LRRC34: variants seen among roughly 807,000 people sequenced by gnomAD.
LRRC34 encodes the protein leucine rich repeat containing 34, also known as leucine-rich repeat-containing protein 34.
A neutral mutation model predicts 48.5 loss-of-function variants in LRRC34; 44 were observed. The observed-to-expected ratio is 0.91, with a 90% CI of 0.71 to 1.17. The LOEUF (loss-of-function observed/expected upper bound fraction) is 1.17, where lower values mean the gene tolerates loss of function less well. Ranked by LOEUF, LRRC34 falls within the 50% of genes most tolerant of loss-of-function variation. LRRC34 has a pLI of 0.00. For synonymous variants in LRRC34, 192 were observed against 197.6 expected, an observed-to-expected ratio of 0.97 and a Z score of 0.24; for missense variants, 502 against 563.0, an observed-to-expected ratio of 0.89 and a Z score of 1.10.
chr3:169,800,929 T>C (rs1779167049), intron 6 of LRRC34, among the ~76,000 whole-genome samples, 175 bp from the exon 7 acceptor site: 1 of 152,228 alleles, frequency 6.6e-6, no homozygotes, highest in Non-Finnish European at 1.5e-5. Context: ...ACTGTATTCT[T>C]CTCTCCTGGC....
chr3:169,795,343 GTTAATT>G, intron 10 of LRRC34, 136 bp downstream of exon 10: 1 of 806,232 alleles, frequency 1.2e-6, no homozygotes, highest in Non-Finnish European at 1.8e-6. Context: ...CTCTCTAGTA[GTTAATT>G]TTAAGACTTA....
chr3:169,803,811 T>A (rs895872548), intron 6 of LRRC34, among the ~76,000 whole-genome samples: 1 of 152,272 alleles, frequency 6.6e-6, no homozygotes, highest in African/African-American at 2.4e-5. Context: ...TTTCTAAAAA[T>A]TCCATACAGT....
At chr3:169,804,628 A>G (rs776344435) in intron 5 of LRRC34, among the ~76,000 whole-genome samples, 1 of 152,232 alleles carries the variant, frequency 6.6e-6, no homozygotes, top group Non-Finnish European at 1.5e-5. Flanking sequence ...GTAACATTCA[A>G]TCTACCATAA....
At chr3:169,800,083 A>G (rs1779137887) in intron 7 of LRRC34, among the ~76,000 whole-genome samples, 1 of 152,206 alleles carries the variant, frequency 6.6e-6, no homozygotes, top group South Asian at 2.1e-4. Context: ...AGTTAGATAT[A>G]TGTTTTTGTT....
intron 2 of LRRC34, 190 bp from the exon 3 acceptor site, chr3:169,807,899 C>G (rs1029444139): frequency 1.6e-6 from 1 of 638,136 alleles, no homozygotes; most frequent in Non-Finnish European, 2.5e-6. Context: ...GAACATTCTG[C>G]AGACTGCAAA....
At position 169,806,883 on chromosome 3, in the gene LRRC34, G is replaced by T. The variant is rs780145082; in HGVS notation, c.493C>A (p.Pro165Thr). The part of the protein sequence containing the change: ...YLNLMFNDIG[P>T]EGGELIAKVL... ...TTAGCAATCAATTCTCCACCTTCGG[G>T]CCCAATATCATTAAACATGAGGTTT... Residue 165 changes from proline (P) to threonine (T), a missense_variant, in exon 5 of 11, where the codon CCC becomes ACC. Physicochemically the swap from Pro to Thr is conservative, Grantham distance 38. Transcript: ENST00000446859. 3.1e-5 allele frequency: 50 copies of T among 1,607,264 alleles called. No homozygotes were observed. The highest frequency in any genetic ancestry group is 4.1e-5 in the Non-Finnish European group (48 of 1,174,802).
intron 5 of LRRC34, among the ~76,000 whole-genome samples, chr3:169,804,620 A>G (rs1779312033): frequency 6.6e-6 from 1 of 152,214 alleles, no homozygotes; most frequent in African/African-American, 2.4e-5. Flanking sequence ...CCTTAAAGGT[A>G]ACATTCAATC....
chr3:169,807,812 A>T, intron 2 of LRRC34, 103 bp from the exon 3 acceptor site: 1 of 1,279,486 alleles, frequency 7.8e-7, no homozygotes, highest in Non-Finnish European at 1.0e-6. Flanking sequence ...GTCATATCAC[A>T]GATATCATTT....
intron 5 of LRRC34, among the ~76,000 whole-genome samples, chr3:169,806,409 T>C (rs1431701280): frequency 6.6e-6 from 1 of 152,196 alleles, no homozygotes; most frequent in African/African-American, 2.4e-5. Flanking sequence ...TGATTCTGTT[T>C]ATATGAAATG....
Position 169,793,595 on chromosome 3 carries a change from A to G in LRRC34, c.*40T>C. On this transcript the variant is annotated 3_prime_UTR_variant, in exon 11 of 11. Transcript: ENST00000446859. ...TATAGAATATTAATCTCTGTGAAAC[A>G]ATAAGACAAGTGTATGAAAATTATT... The G allele has an allele frequency of 7.1e-7, 1 of 1,416,706 alleles. No homozygotes were observed. The allele number at this position is 1,416,706 out of a possible 1,614,324, so 87.8% of individuals were successfully genotyped here. A position where few individuals can be genotyped will look rare whatever the true frequency, so the allele number is the denominator to read the frequency against.
At chr3:169,811,161 C>G (rs73879132) in intron 1 of LRRC34, among the ~76,000 whole-genome samples, 1,599 of 152,254 alleles carry the variant, frequency 0.011, 24 homozygotes, top group African/African-American at 0.037. Flanking sequence ...AAGTAGATCC[C>G]AAATAGAAGT....
Position 169,808,636 on chromosome 3 carries a change from A to T in LRRC34, c.249T>A (p.Ile83=). 2 of 1,476,578 alleles carry T rather than the reference A, an allele frequency of 1.4e-6. No homozygotes were observed. The highest frequency in any genetic ancestry group is 1.9e-6 in the Non-Finnish European group (2 of 1,068,072). The allele number at this position is 1,476,578 out of a possible 1,614,324, so 91.5% of individuals were successfully genotyped here. ...LHILQEVDEE[I]KKGLAAGITL... is the part of the protein sequence containing the mutation. ...GTATTTGTCTTTCTTACCCCTTTTT[A>T]ATTTCTTCATCCACTTCTTGGAGTA... The change falls in exon 2 of 11, where the codon ATT becomes ATA. Residue 83 remains isoleucine (I), a synonymous_variant. Coordinates refer to ENST00000446859, the MANE Select transcript of LRRC34 (RefSeq NM_001172779.2).
intron 8 of LRRC34, 170 bp downstream of exon 8, chr3:169,796,574 TA>T: frequency 1.1e-6 from 1 of 897,772 alleles, no homozygotes; most frequent in Non-Finnish European, 1.6e-6. Context: ...TTTATGTTAC[TA>T]AAAGATAGCA....
At chr3:169,797,045 A>G (rs1779017872) in intron 7 of LRRC34, 146 bp from the exon 8 acceptor site, 2 of 527,956 alleles carry the variant, frequency 3.8e-6, no homozygotes, top group Non-Finnish European at 5.9e-6. Context: ...TGTTTGGTCT[A>G]TCTTTAAAAA....
chr3:169,793,526 AT>A lies in LRRC34; in HGVS notation c.*108del. 1 of 804,574 alleles carries A rather than the reference AT, an allele frequency of 1.2e-6. No individual in the cohort carries two copies. The highest frequency in any genetic ancestry group is 1.9e-6 in the Non-Finnish European group (1 of 521,448). The allele number at this position is 804,574 out of a possible 1,614,324, so 49.8% of individuals were successfully genotyped here. Reference sequence around the variant, plus strand: ...TTAATACAGTCATTATCTTTTACACATTTGAAAAAAGTAACTTGTTTTAATT... The same window carrying A: ...TTAATACAGTCATTATCTTTTACACATTGAAAAAAGTAACTTGTTTTAATT... On this transcript the variant is annotated 3_prime_UTR_variant, in exon 11 of 11. Coordinates refer to ENST00000446859, the MANE Select transcript of LRRC34 (RefSeq NM_001172779.2).
At chr3:169,809,944 C>A (rs1576749727) in intron 1 of LRRC34, among the ~76,000 whole-genome samples, 1 of 147,726 alleles carries the variant, frequency 6.8e-6, no homozygotes, top group Admixed American at 6.9e-5. Context: ...TTATTCCAGA[C>A]AATTTGGAAA....
At position 169,796,813 on chromosome 3, in the gene LRRC34, GT is replaced by G. The variant is rs1324107065; in HGVS notation, c.839del (p.Asn280ThrfsTer13). The G allele has an allele frequency of 2.5e-6, 4 of 1,611,642 alleles. No homozygotes were observed. Among genetic ancestry groups the G allele is most frequent in the Non-Finnish European group, 3.4e-6 (4 of 1,179,054 alleles). ...ALHMCKHDIK[N>X]SGIQQLCDAL... ...CATCACATAACTGTTGTATACCACTGTTTTTTATATCATGCTTACACATGTG... is the reference window on the plus strand; with the variant it reads ...CATCACATAACTGTTGTATACCACTGTTTTTATATCATGCTTACACATGTG... On this transcript the variant is annotated frameshift_variant, in exon 8 of 11. Coordinates refer to ENST00000446859, the MANE Select transcript of LRRC34 (RefSeq NM_001172779.2). LOFTEE classifies it high-confidence loss of function.
At chr3:169,805,033 G>C (rs1779325470) in intron 5 of LRRC34, among the ~76,000 whole-genome samples, 1 of 152,108 alleles carries the variant, frequency 6.6e-6, no homozygotes, top group African/African-American at 2.4e-5. Flanking sequence ...ATTCTAATGA[G>C]TAACTATTAG....
chr3:169,800,696 G>A lies in LRRC34; in HGVS notation c.716C>T (p.Ala239Val), dbSNP rs1458178717. 50 of 1,534,952 alleles carry A rather than the reference G, an allele frequency of 3.3e-5. No individual in the cohort carries two copies. The highest frequency in any genetic ancestry group is 4.1e-5 in the African/African-American group (3 of 72,972). Residue 239 changes from alanine (A) to valine (V), a missense_variant, in exon 7 of 11, where the codon GCA becomes GTA. Ala to Val is a moderately conservative substitution (Grantham distance 64). Coordinates refer to ENST00000446859, the MANE Select transcript of LRRC34 (RefSeq NM_001172779.2). ...TVLTQNQAIK[A>V]INLNRPILYS... ...CAGTATAGGTCGGTTTAGGTTTATT[G>A]CCTTAATTGCTTGGTTTTGAGTTAG...
Sources: allele counts gnomAD v4.1 joint callset (sites outside exome capture counted in the v4.1 genomes callset), GRCh38; gene constraint gnomAD v4.1.1; transcripts MANE v1.5; gene names NCBI Gene and HGNC (gene_info 2026-07-23, HGNC 2026-07-21).